The following DNAH7 variants were observed in gnomAD, a reference collection of about 807,000 sequenced individuals.
DNAH7 encodes dynein axonemal heavy chain 7, also known as axonemal beta dynein heavy chain 7.
Under a neutral mutation model 444.6 loss-of-function variants are expected in DNAH7, and 397 were observed. The ratio of observed to expected loss-of-function variants is 0.89; its 90% CI spans 0.82 to 0.97. The LOEUF (loss-of-function observed/expected upper bound fraction) is 0.97, where lower values mean the gene tolerates loss of function less well. Ranked by LOEUF, DNAH7 falls within the 50% of genes least tolerant of loss-of-function variation. DNAH7 has a pLI of 0.00. For synonymous variants in DNAH7, 1,636 were observed against 1,624.4 expected, an observed-to-expected ratio of 1.01 and a Z score of -0.17; for missense variants, 4,902 against 4,800.8, an observed-to-expected ratio of 1.02 and a Z score of -0.62.
intron 61 of DNAH7, 131 bp from the exon 62 acceptor site, chr2:195,756,416 GA>G (rs527526064): frequency 0.025 from 13,965 of 554,492 alleles, 4 homozygotes; most frequent in East Asian, 0.029. Flanking sequence ...AGTCATACAG[GA>G]AAAAAAAAAA....
chr2:195,796,493 G>A lies in DNAH7; in HGVS notation c.10515+83C>T, dbSNP rs111444826. 611 of 1,457,714 alleles carry A rather than the reference G, an allele frequency of 4.2e-4. No individual in the cohort carries two copies. In the African/African-American group the frequency reaches 7.3e-3, roughly 17 times the overall value. The allele number at this position is 1,457,714 out of a possible 1,614,324, so 90.3% of individuals were successfully genotyped here. Reference sequence around the variant, plus strand: ...AACCTGCAACGCTCCAAATTAGAGGGGAATGGAGCTACCCGAATGTTATGT... The same window carrying A: ...AACCTGCAACGCTCCAAATTAGAGGAGAATGGAGCTACCCGAATGTTATGT... On this transcript the variant is annotated intron_variant, in intron 56 of 64. Coordinates refer to ENST00000312428, the MANE Select transcript of DNAH7 (RefSeq NM_018897.3).
chr2:195,918,417 C>T (rs1687817307), intron 24 of DNAH7, among the ~76,000 whole-genome samples: 2 of 152,176 alleles, frequency 1.3e-5, no homozygotes, highest in Admixed American at 1.3e-4. Flanking sequence ...CAATCATGCT[C>T]CTAGTTATTT....
chr2:195,875,441 C>A (rs1391644069), intron 38 of DNAH7, among the ~76,000 whole-genome samples: 1 of 150,210 alleles, frequency 6.7e-6, no homozygotes, highest in East Asian at 1.9e-4. Context: ...GAAAAAAGTT[C>A]CAGAAGGTGG....
chr2:195,838,682 G>A (rs1698514126), intron 47 of DNAH7, among the ~76,000 whole-genome samples: 1 of 151,882 alleles, frequency 6.6e-6, no homozygotes, highest in South Asian at 2.1e-4. Context: ...ACTGTCAGCT[G>A]TCTACAAGAT....
At chr2:195,940,222 A>G (rs564531682) in intron 19 of DNAH7, among the ~76,000 whole-genome samples, 3 of 152,302 alleles carry the variant, frequency 2.0e-5, no homozygotes, top group Admixed American at 6.5e-5. Context: ...CACACCACAC[A>G]TCTACAACCA....
At chr2:195,994,615 C>T (rs951706710) in intron 12 of DNAH7, 5 of 494,422 alleles carry the variant, frequency 1.0e-5, no homozygotes, top group East Asian at 9.8e-5. Flanking sequence ...TCAATTGGTC[C>T]TTGGGTACTT....
chr2:196,001,602 T>A, intron 11 of DNAH7, 73 bp downstream of exon 11: 1 of 1,314,410 alleles, frequency 7.6e-7, no homozygotes, highest in Non-Finnish European at 1.0e-6. Flanking sequence ...GATAGAGATG[T>A]TATTTTCCTC....
At chr2:195,959,534 T>G (rs1439720816) in intron 18 of DNAH7, among the ~76,000 whole-genome samples, 1 of 152,152 alleles carries the variant, frequency 6.6e-6, no homozygotes, top group African/African-American at 2.4e-5. Context: ...AATCAGAACA[T>G]GCCCAAGTGT....
chr2:195,802,911 T>A (rs1169767125), intron 54 of DNAH7, among the ~76,000 whole-genome samples: 1 of 152,186 alleles, frequency 6.6e-6, no homozygotes, highest in African/African-American at 2.4e-5. Flanking sequence ...TATATCCAGA[T>A]ATACACATTA....
chr2:195,803,354 CTTCT>C (rs1371240254), intron 54 of DNAH7, among the ~76,000 whole-genome samples: 2 of 152,340 alleles, frequency 1.3e-5, no homozygotes, highest in East Asian at 3.9e-4. Flanking sequence ...GAGTGTGATT[CTTCT>C]TTCTGTCTGC....
rs1559209538 is a variant in DNAH7, at chr2:195,906,727, TG to T, written c.4266del (p.Thr1423HisfsTer6). Reference protein sequence around the residue: ...MFEGTELKLDPTCAVFITMNP... With the variant: ...MFEGTELKLDXTCAVFITMNP... Reference sequence around the variant, plus strand: ...TTCATTGTTATAAAGACAGCACATGTGGGGTCAAGTTTTAGTTCAGTTCCTT... The same window carrying T: ...TTCATTGTTATAAAGACAGCACATGTGGGTCAAGTTTTAGTTCAGTTCCTT... On this transcript the variant is annotated frameshift_variant, in exon 27 of 65. Coordinates refer to ENST00000312428, the MANE Select transcript of DNAH7 (RefSeq NM_018897.3). LOFTEE classifies it high-confidence loss of function. The T allele has an allele frequency of 3.1e-6, 5 of 1,613,422 alleles. No homozygotes were observed. Among genetic ancestry groups the T allele is most frequent in the Non-Finnish European group, 4.2e-6 (5 of 1,179,618 alleles).
chr2:195,864,817 C>T lies in DNAH7; in HGVS notation c.6838G>A (p.Asp2280Asn). ...TCTGCGATTTCTCTGTAGTTGGTAT[C>T]CTCCCTCTTGGGATCATGGAAATCA... The part of the protein sequence containing the change: ...FCDFHDPKRE[D>N]TNYREIADVD... The change falls in exon 41 of 65, where the codon GAT (aspartate) becomes AAT (asparagine). Residue 2280 changes from aspartate (D) to asparagine (N), a missense_variant. Physicochemically the swap from Asp to Asn is conservative, Grantham distance 23. Coordinates refer to ENST00000312428, the MANE Select transcript of DNAH7 (RefSeq NM_018897.3). 6.2e-7 allele frequency: 1 copy of T among 1,614,144 alleles called. No individual in the cohort carries two copies. Among genetic ancestry groups the T allele is most frequent in the Middle Eastern group, 1.6e-4 (1 of 6,062 alleles).
intron 36 of DNAH7, among the ~76,000 whole-genome samples, chr2:195,879,039 A>G (rs1701218013): frequency 6.6e-6 from 1 of 152,190 alleles, no homozygotes; most frequent in South Asian, 2.1e-4. Flanking sequence ...TAGTTTACGT[A>G]CCCTTCCAAA....
intron 38 of DNAH7, 70 bp from the exon 39 acceptor site, chr2:195,873,764 A>G (rs1700860910): frequency 8.4e-7 from 1 of 1,193,416 alleles, no homozygotes. Context: ...CAAATATTCT[A>G]TAGTTTAAAG....
At chr2:196,051,040 T>G (rs1337460721) in intron 3 of DNAH7, 147 bp downstream of exon 3, 1 of 654,212 alleles carries the variant, frequency 1.5e-6, no homozygotes, top group Non-Finnish European at 2.7e-6. Context: ...AGATAGTTAT[T>G]TGTCCTAATA....
intron 29 of DNAH7, 121 bp from the exon 30 acceptor site, chr2:195,895,345 A>G (rs1301565899): frequency 6.4e-6 from 4 of 627,984 alleles, no homozygotes; most frequent in African/African-American, 5.7e-5. Context: ...TAACAGCTTT[A>G]TAGAGGAATA....
intron 61 of DNAH7, among the ~76,000 whole-genome samples, chr2:195,764,033 C>A (rs1451324758): frequency 6.6e-6 from 1 of 151,826 alleles, no homozygotes; most frequent in Non-Finnish European, 1.5e-5. Context: ...ACAATACATT[C>A]ATCATGATCA....
intron 49 of DNAH7, among the ~76,000 whole-genome samples, chr2:195,818,138 T>C (rs1234050159): frequency 6.6e-6 from 1 of 152,160 alleles, no homozygotes; most frequent in Non-Finnish European, 1.5e-5. Context: ...TAGAATCAGG[T>C]TGGAAGCTAT....
rs1195437227 is a variant in DNAH7, at chr2:195,923,767, T to C, written c.3653A>G (p.Asp1218Gly). The change falls in exon 23 of 65, where the codon GAT (aspartate) becomes GGT (glycine). Residue 1218 changes from aspartate to glycine, a missense_variant. Coordinates refer to ENST00000312428, the MANE Select transcript of DNAH7 (RefSeq NM_018897.3). The part of the protein sequence containing the change: ...QYLKTCNRQI[D>G]DIVTLVRGKL... ...GCCACGCACCAAAGTGACAATATCA[T>C]CAATTTGTCTGTTACATGTTTTCAA... The C allele has an allele frequency of 3.7e-6, 6 of 1,614,012 alleles. No homozygotes were observed. The highest frequency in any genetic ancestry group is 1.7e-5 in the Admixed American group (1 of 59,996).
Sources: allele counts gnomAD v4.1 joint callset (sites outside exome capture counted in the v4.1 genomes callset), GRCh38; gene constraint gnomAD v4.1.1; transcripts MANE v1.5; gene names NCBI Gene and HGNC (gene_info 2026-07-23, HGNC 2026-07-21).